Variants in XKRX observed in about 807,000 individuals in gnomAD.
XKRX encodes XK-related protein 2.
In XKRX, 11 loss-of-function variants were observed where a neutral mutation model predicts 22.4. The observed-to-expected ratio is 0.49, with a 90% CI of 0.31 to 0.81. XKRX has a LOEUF of 0.81. Among genes scored for constraint, XKRX ranks in the 40% least tolerant of loss-of-function variants. The probability of loss-of-function intolerance (pLI) is 0.05; values close to 1 mark genes in which losing one functional copy is unlikely to be tolerated. For missense variants in XKRX, 320 were observed against 336.5 expected, an observed-to-expected ratio of 0.95 and a Z score of 0.38; for synonymous variants, 114 against 132.2, an observed-to-expected ratio of 0.86 and a Z score of 0.94.
chrX:100,912,287 C>T (rs2085409768), downstream of XKRX, among the ~76,000 whole-genome samples: 1 of 111,389 alleles, frequency 9.0e-6, no homozygotes, highest in Non-Finnish European at 1.9e-5. Context: ...ATAACTAAGT[C>T]TCTTCATCAT....
chrX:100,956,630 C>A, the XKRX span: 2 of 532,520 alleles, frequency 3.8e-6, no homozygotes, highest in South Asian at 4.6e-5. Flanking sequence ...TTTAAGAAAG[C>A]AGATTTTATG....
At chrX:100,898,556 G>A in the XKRX span, among the ~76,000 whole-genome samples, 2 of 106,128 alleles carry the variant, frequency 1.9e-5, no homozygotes, top group Non-Finnish European at 3.9e-5. Flanking sequence ...GATACCGAGG[G>A]GAATAATGGA....
At chrX:100,931,540 G>A (rs1186840408), upstream of XKRX, among the ~76,000 whole-genome samples, 1 of 111,227 alleles carries the variant, frequency 9.0e-6, no homozygotes, top group Non-Finnish European at 1.9e-5. Flanking sequence ...CCACCTCCAA[G>A]AAGCCTTCTG....
chrX:100,915,283 G>A (rs188165950), intron 2 of XKRX, among the ~76,000 whole-genome samples, 200 bp from the exon 3 acceptor site: 122 of 110,709 alleles, frequency 1.1e-3, no homozygotes, highest in African/African-American at 3.8e-3. Context: ...GTATACAAAC[G>A]GCCAACAGGT....
downstream of XKRX, among the ~76,000 whole-genome samples, chrX:100,909,271 C>T (rs765985126): frequency 2.4e-4 from 27 of 112,144 alleles, no homozygotes; most frequent in Non-Finnish European, 4.1e-4. Flanking sequence ...TCATCCCAGG[C>T]GTTTTAGGAC....
At chrX:100,944,435 A>T in the XKRX span, among the ~76,000 whole-genome samples, 9,310 of 111,067 alleles carry the variant, frequency 0.084, 822 homozygotes, top group African/African-American at 0.27. Context: ...TGATCTCGGC[A>T]CACTGCAACC....
At chrX:100,919,921 G>A (rs1444344443) in intron 2 of XKRX, among the ~76,000 whole-genome samples, 2 of 111,731 alleles carry the variant, frequency 1.8e-5, no homozygotes, top group Non-Finnish European at 3.8e-5. Context: ...TCTCATTCAT[G>A]TACACAGGTA....
chrX:100,940,250 G>A, the XKRX span, among the ~76,000 whole-genome samples: 1 of 111,927 alleles, frequency 8.9e-6, no homozygotes, highest in South Asian at 3.7e-4. Context: ...AGAAAAGGAA[G>A]TTGAAACGCA....
At chrX:100,909,851 C>A (rs756809729), downstream of XKRX, among the ~76,000 whole-genome samples, 2 of 95,248 alleles carry the variant, frequency 2.1e-5, no homozygotes, top group African/African-American at 4.0e-5. Flanking sequence ...TGCAGTGAGC[C>A]GAAATCGCAC....
chrX:100,896,321 C>T, the XKRX span, among the ~76,000 whole-genome samples: 2 of 111,172 alleles, frequency 1.8e-5, no homozygotes, highest in African/African-American at 6.6e-5. Context: ...TATTAAAAGA[C>T]TGAAAAAACC....
the XKRX span, among the ~76,000 whole-genome samples, chrX:100,900,397 T>C: frequency 9.0e-6 from 1 of 110,945 alleles, no homozygotes; most frequent in African/African-American, 3.3e-5. Flanking sequence ...ACCTTTCCTC[T>C]CCAAGCTACC....
At chrX:100,926,711 T>C (rs373883763) in intron 1 of XKRX, among the ~76,000 whole-genome samples, 10 of 111,914 alleles carry the variant, frequency 8.9e-5, no homozygotes, top group African/African-American at 2.9e-4. Context: ...GATGAGACTG[T>C]TGACACAGGT....
chrX:100,916,899 A>T (rs925434544), intron 2 of XKRX, among the ~76,000 whole-genome samples: 1 of 112,420 alleles, frequency 8.9e-6, no homozygotes, highest in African/African-American at 3.2e-5. Flanking sequence ...CGGATGGATC[A>T]CCTGAGGTCA....
At chrX:100,956,528 A>G in the XKRX span, 2 of 376,208 alleles carry the variant, frequency 5.3e-6, no homozygotes, top group South Asian at 6.9e-5. Context: ...CACTGTCATT[A>G]GAGAACAGAT....
upstream of XKRX, among the ~76,000 whole-genome samples, chrX:100,931,879 C>G (rs1424482008): frequency 2.7e-5 from 3 of 111,814 alleles, no homozygotes; most frequent in African/African-American, 9.7e-5. Flanking sequence ...CATCAGCTCA[C>G]AGAGGTTCCC....
the XKRX span, among the ~76,000 whole-genome samples, chrX:100,895,657 C>T: frequency 8.9e-5 from 10 of 111,832 alleles, no homozygotes; most frequent in African/African-American, 2.9e-4. Flanking sequence ...GTCTGTCTTG[C>T]GGGGCCTCCA....
the XKRX span, among the ~76,000 whole-genome samples, chrX:100,936,540 C>CAAAAAAAAAAAAAAAA: frequency 3.5e-4 from 9 of 25,403 alleles, no homozygotes; most frequent in East Asian, 2.7e-3. Context: ...GACTCTGTCT[C>CAAAAAAAAAAAAAAAA]AAAAAAAAAA....
upstream of XKRX, among the ~76,000 whole-genome samples, chrX:100,931,520 C>T (rs769521065): frequency 4.5e-5 from 5 of 111,184 alleles, no homozygotes; most frequent in Non-Finnish European, 9.4e-5. Flanking sequence ...AAGGGTCAGC[C>T]GAAGTGCTCC....
the XKRX span, among the ~76,000 whole-genome samples, chrX:100,951,950 A>C: frequency 4.5e-5 from 5 of 111,547 alleles, no homozygotes; most frequent in African/African-American, 1.6e-4. Context: ...GGTTTCACTA[A>C]GAATTATGCC....
Sources: allele counts gnomAD v4.1 joint callset (sites outside exome capture counted in the v4.1 genomes callset), GRCh38; gene constraint gnomAD v4.1.1; transcripts MANE v1.5; gene names NCBI Gene and HGNC (gene_info 2026-07-23, HGNC 2026-07-21).